Variants in TENM2 observed in about 807,000 individuals in gnomAD.
TENM2 encodes the protein teneurin transmembrane protein 2.
In TENM2, 52 loss-of-function variants were observed where a neutral mutation model predicts 245.2. That is an observed-to-expected ratio of 0.21 (90% CI 0.17 to 0.27). The LOEUF is 0.27. TENM2 is among the 10% of genes least tolerant of loss of function. The pLI is 1.00. For missense variants in TENM2, 3,046 were observed against 3,666.8 expected (o/e 0.83, Z 4.37); for synonymous variants, 1,363 against 1,438.9 (o/e 0.95, Z 1.19).
intron 2 of TENM2, among the ~76,000 whole-genome samples, chr5:167,604,457 A>C (rs1280102108): frequency 6.6e-6 from 1 of 152,176 alleles, no homozygotes; most frequent in African/African-American, 2.4e-5. Context: ...GATCATCATC[A>C]TGAGGCTTTA....
the TENM2 span, among the ~76,000 whole-genome samples, chr5:167,246,974 G>T: frequency 6.6e-6 from 1 of 151,898 alleles, no homozygotes; most frequent in Non-Finnish European, 1.5e-5. Flanking sequence ...CACCAGGATG[G>T]AAAGTATTAA....
intron 2 of TENM2, among the ~76,000 whole-genome samples, chr5:167,872,548 G>GAATGAA (rs1313191288): frequency 1.5e-5 from 1 of 65,438 alleles, no homozygotes; most frequent in African/African-American, 4.4e-5. Flanking sequence ...AAGAAAGAAA[G>GAATGAA]AGAAAGAAAG....
intron 2 of TENM2, among the ~76,000 whole-genome samples, chr5:167,669,816 T>C (rs1021354887): frequency 6.6e-6 from 1 of 151,936 alleles, no homozygotes. Context: ...TTATAGCTGC[T>C]CTTTACTTGC....
chr5:167,817,532 G>A (rs1056924500), intron 2 of TENM2, among the ~76,000 whole-genome samples: 6 of 152,132 alleles, frequency 3.9e-5, no homozygotes, highest in Non-Finnish European at 5.9e-5. Flanking sequence ...AAAAGATTTA[G>A]AAGTGGCCAT....
chr5:167,793,828 TAA>T (rs199764642), intron 2 of TENM2, among the ~76,000 whole-genome samples: 1 of 124,476 alleles, frequency 8.0e-6, no homozygotes, highest in Admixed American at 8.3e-5. Flanking sequence ...AAACCCTGTC[TAA>T]AAAAAAAAAA....
chr5:168,075,628 C>A (rs1248243442), intron 7 of TENM2, among the ~76,000 whole-genome samples: 1 of 152,182 alleles, frequency 6.6e-6, no homozygotes, highest in East Asian at 1.9e-4. Flanking sequence ...ATCACGTGCT[C>A]TTGTGTCTGC....
chr5:167,395,758 A>C (rs1762014747), intron 2 of TENM2, among the ~76,000 whole-genome samples: 1 of 152,124 alleles, frequency 6.6e-6, no homozygotes, highest in Non-Finnish European at 1.5e-5. Context: ...AAAGTTGATG[A>C]GAAAAAAAAT....
intron 2 of TENM2, among the ~76,000 whole-genome samples, chr5:167,781,215 G>A (rs1764166329): frequency 6.6e-6 from 1 of 152,090 alleles, no homozygotes. Context: ...GGAGGCTGAG[G>A]TAAAAGGATG....
chr5:167,160,960 C>G, the TENM2 span, among the ~76,000 whole-genome samples: 3 of 152,310 alleles, frequency 2.0e-5, no homozygotes, highest in South Asian at 6.2e-4. Flanking sequence ...TTAAAACACA[C>G]CCTAAAACCC....
intron 3 of TENM2, among the ~76,000 whole-genome samples, chr5:167,918,689 A>C (rs1032451520): frequency 3.3e-5 from 5 of 151,882 alleles, no homozygotes; most frequent in African/African-American, 1.2e-4. Context: ...TAATCTTTCT[A>C]TTAGAGAGAC....
At chr5:168,078,572 T>A (rs925220679) in intron 7 of TENM2, among the ~76,000 whole-genome samples, 2 of 152,192 alleles carry the variant, frequency 1.3e-5, no homozygotes, top group Admixed American at 1.3e-4. Context: ...GGTCTAATAT[T>A]TAAGTCTTTA....
In TENM2 at chr5:167,452,948, T is replaced by TATATTTTTTTTTAA. The variant is rs1554157742; in HGVS notation, c.502+77479_502+77480insTTTTTTTTAAATAT. Among the ~76,000 whole-genome samples, 7 of 47,510 alleles carry TATATTTTTTTTTAA rather than the reference T, an allele frequency of 1.5e-4. 1 individual carries two copies. Among genetic ancestry groups the TATATTTTTTTTTAA allele is most frequent in the South Asian group, 7.0e-4 (1 of 1,432 alleles). 31.2% of individuals were successfully genotyped at this position (47,510 alleles called of 152,430 possible). A position where few individuals can be genotyped will look rare whatever the true frequency, so the allele number is the denominator to read the frequency against. ...AGTATGATTTATATATATATATATA[T>TATATTTTTTTTTAA]ATATATATATATATTTAAAAAAAAA... On this transcript the variant is annotated intron_variant, in intron 2 of 28. Transcript: ENST00000518659.
chr5:167,105,435 ATAAT>A, the TENM2 span, among the ~76,000 whole-genome samples: 2 of 152,176 alleles, frequency 1.3e-5, no homozygotes, highest in African/African-American at 2.4e-5. Flanking sequence ...TTTAACTTAC[ATAAT>A]TAATTAATAC....
the TENM2 span, among the ~76,000 whole-genome samples, chr5:167,065,702 TA>T: frequency 3.3e-5 from 5 of 152,226 alleles, no homozygotes; most frequent in Non-Finnish European, 7.3e-5. Flanking sequence ...TGGCTATTGG[TA>T]AAGTGCTCAT....
chr5:167,510,127 A>C (rs1386775584), intron 2 of TENM2, among the ~76,000 whole-genome samples: 1 of 152,212 alleles, frequency 6.6e-6, no homozygotes, highest in Non-Finnish European at 1.5e-5. Flanking sequence ...TATTCGTTCA[A>C]TTGAATTTGA....
chr5:167,327,855 G>T (rs991323236), intron 1 of TENM2, among the ~76,000 whole-genome samples: 1 of 152,182 alleles, frequency 6.6e-6, no homozygotes, highest in African/African-American at 2.4e-5. Flanking sequence ...GTGGGGCTTT[G>T]TATGTTTAGA....
At chr5:167,403,824 A>G (rs1762493150) in intron 2 of TENM2, among the ~76,000 whole-genome samples, 1 of 152,064 alleles carries the variant, frequency 6.6e-6, no homozygotes, top group Non-Finnish European at 1.5e-5. Flanking sequence ...GTTGGTGGTG[A>G]CTTTGAAATT....
chr5:167,605,905 C>T (rs1306173102), intron 2 of TENM2, among the ~76,000 whole-genome samples: 1 of 152,128 alleles, frequency 6.6e-6, no homozygotes, highest in Non-Finnish European at 1.5e-5. Context: ...GTCTGGTTCC[C>T]AGGTTAGGGA....
In TENM2 at chr5:167,755,383, T is replaced by C; in HGVS notation, c.503-120603T>C. On this transcript the variant is annotated intron_variant, in intron 2 of 28. Coordinates refer to ENST00000518659, the Ensembl canonical transcript of TENM2. ...TGTGAATTCTTCTCACTGAGTCTAA[T>C]TTCTAATTCCTATCAGGTTGTTGAT... is the stretch of plus-strand genomic sequence containing the variant. 1.3e-5 allele frequency among the ~76,000 whole-genome samples: 2 copies of C among 152,048 alleles called. 1 individual carries two copies. The highest frequency in any genetic ancestry group is 3.9e-4 in the East Asian group (2 of 5,132).
Sources: allele counts gnomAD v4.1 joint callset (sites outside exome capture counted in the v4.1 genomes callset), GRCh38; gene constraint gnomAD v4.1.1; transcripts MANE v1.5; gene names NCBI Gene and HGNC (gene_info 2026-07-23, HGNC 2026-07-21).